P3H2: variants seen among roughly 807,000 people sequenced by gnomAD.
The protein encoded by P3H2 is prolyl 3-hydroxylase 2.
A neutral mutation model predicts 87.0 loss-of-function variants in P3H2; 80 were observed. The observed-to-expected ratio is 0.92, with a 90% confidence interval of 0.77 to 1.11. The LOEUF (loss-of-function observed/expected upper bound fraction) is 1.11, where lower values mean the gene tolerates loss of function less well. Among genes scored for constraint, P3H2 ranks in the 50% least tolerant of loss-of-function variants. The probability of loss-of-function intolerance (pLI) is 0.00; values close to 1 mark genes in which losing one functional copy is unlikely to be tolerated. For synonymous variants in P3H2, 367 were observed against 359.3 expected (o/e 1.02, Z -0.24); for missense variants, 1,001 against 923.9 (o/e 1.08, Z -1.08).
At chr3:190,121,404 G>A (rs953079355), upstream of P3H2, 1 of 152,066 alleles carries the variant, frequency 6.6e-6, no homozygotes, top group African/African-American at 2.4e-5. Flanking sequence ...TGTAGGCCCA[G>A]ATGCGGAGGT....
At chr3:190,094,898 A>C (rs943166872) in intron 1 of P3H2, among the ~76,000 whole-genome samples, 2 of 152,182 alleles carry the variant, frequency 1.3e-5, no homozygotes, top group African/African-American at 4.8e-5. Context: ...ACAATTATTC[A>C]GATTTTTTGA....
At chr3:190,060,881 C>T (rs533598980) in intron 1 of P3H2, among the ~76,000 whole-genome samples, 14 of 152,062 alleles carry the variant, frequency 9.2e-5, no homozygotes, top group African/African-American at 3.1e-4. Flanking sequence ...ATTTTGATGA[C>T]CTTTATGGAA....
chr3:190,024,340 C>G (rs1001907331), intron 1 of P3H2, among the ~76,000 whole-genome samples: 3 of 151,662 alleles, frequency 2.0e-5, no homozygotes, highest in Non-Finnish European at 4.4e-5. Context: ...AGTTCGAGAC[C>G]AGCGTGTCCA....
intron 1 of P3H2, among the ~76,000 whole-genome samples, chr3:190,034,707 G>A (rs1420335279): frequency 6.6e-6 from 1 of 152,058 alleles, no homozygotes; most frequent in Non-Finnish European, 1.5e-5. Flanking sequence ...GTTTCTGTGT[G>A]GTGGTCAACA....
chr3:189,957,086 T>C lies in P3H2; in HGVS notation c.*826A>G. 1 of 398,662 alleles carries C rather than the reference T, an allele frequency of 2.5e-6. No individual in the cohort carries two copies. Among genetic ancestry groups the C allele is most frequent in the Non-Finnish European group, 4.4e-6 (1 of 226,128 alleles). The allele number at this position is 398,662 out of a possible 1,614,324, so 24.7% of individuals were successfully genotyped here. A position where few individuals can be genotyped will look rare whatever the true frequency, so the allele number is the denominator to read the frequency against. ...AAGCTTCCAGTGTAAGTTTATTGTC[T>C]GGCGAAAACACCAGAGCCAAAAATT... On this transcript the variant is annotated 3_prime_UTR_variant, in exon 15 of 15. Transcript: ENST00000319332.
At chr3:190,057,332 C>G (rs77421810) in intron 1 of P3H2, among the ~76,000 whole-genome samples, 1 of 152,202 alleles carries the variant, frequency 6.6e-6, no homozygotes, top group Non-Finnish European at 1.5e-5. Context: ...TGTATGGACA[C>G]GAAAGTCTGA....
intron 1 of P3H2, among the ~76,000 whole-genome samples, chr3:190,045,572 T>C (rs1448525752): frequency 3.9e-5 from 6 of 152,176 alleles, no homozygotes; most frequent in African/African-American, 1.4e-4. Context: ...AGCTGTGATG[T>C]GTCAACTTAA....
chr3:190,016,926 A>G (rs1162066736), intron 1 of P3H2, among the ~76,000 whole-genome samples: 1 of 152,150 alleles, frequency 6.6e-6, no homozygotes, highest in South Asian at 2.1e-4. Context: ...ATTTCCCTCA[A>G]TCTATTGGTC....
At chr3:190,007,985 T>TATATATAG (rs1724448616) in intron 1 of P3H2, among the ~76,000 whole-genome samples, 1 of 136,866 alleles carries the variant, frequency 7.3e-6, no homozygotes, top group African/African-American at 2.7e-5. Flanking sequence ...TATATATATA[T>TATATATAG]AGTAAACTTC....
chr3:190,109,839 C>G (rs1245016803), intron 1 of P3H2, among the ~76,000 whole-genome samples: 1 of 137,686 alleles, frequency 7.3e-6, no homozygotes, highest in Non-Finnish European at 1.5e-5. Flanking sequence ...AACCTTGATG[C>G]CCAGTCTTTT....
At chr3:190,098,814 T>C (rs1197598611) in intron 1 of P3H2, among the ~76,000 whole-genome samples, 1 of 152,204 alleles carries the variant, frequency 6.6e-6, no homozygotes, top group East Asian at 1.9e-4. Context: ...AGTTTAATTA[T>C]GATTTTCTTA....
At chr3:190,039,189 C>CAA (rs3062148) in intron 1 of P3H2, among the ~76,000 whole-genome samples, 84,454 of 146,978 alleles carry the variant, frequency 0.57, 26,118 homozygotes, top group Admixed American at 0.71. Flanking sequence ...AACTCCATCT[C>CAA]AAAAAAAAAA....
intron 1 of P3H2, among the ~76,000 whole-genome samples, chr3:190,035,009 C>T (rs907268197): frequency 2.0e-5 from 3 of 151,606 alleles, no homozygotes; most frequent in Admixed American, 6.6e-5. Context: ...CCACCACACC[C>T]GACTAATTTT....
chr3:189,980,116 T>C (rs1399325087), intron 8 of P3H2, among the ~76,000 whole-genome samples: 1 of 152,212 alleles, frequency 6.6e-6, no homozygotes, highest in East Asian at 1.9e-4. Flanking sequence ...CCCATCTTAA[T>C]GCTTAGGAGC....
intron 6 of P3H2, 40 bp from the exon 7 acceptor site, chr3:189,984,630 G>C: frequency 1.4e-6 from 2 of 1,420,084 alleles, no homozygotes; most frequent in Non-Finnish European, 2.0e-6. Flanking sequence ...CAGTAATTTT[G>C]TCACTAAAAC....
At chr3:189,975,985 C>T (rs1723336835) in intron 8 of P3H2, among the ~76,000 whole-genome samples, 1 of 152,224 alleles carries the variant, frequency 6.6e-6, no homozygotes. Context: ...TAGTTTCATA[C>T]AGTACCCAAA....
intron 4 of P3H2, chr3:189,987,899 C>A: frequency 1.8e-6 from 1 of 543,124 alleles, no homozygotes; most frequent in Non-Finnish European, 3.3e-6. Context: ...TTGTTTTGTG[C>A]AAATCGTCAA....
intron 7 of P3H2, among the ~76,000 whole-genome samples, chr3:189,984,010 G>A (rs1000874790): frequency 1.3e-5 from 2 of 151,778 alleles, no homozygotes; most frequent in Non-Finnish European, 2.9e-5. Flanking sequence ...ACACCAACAT[G>A]GCACATGTAT....
chr3:189,975,569 G>A (rs182202398), intron 8 of P3H2, among the ~76,000 whole-genome samples: 44 of 152,266 alleles, frequency 2.9e-4, no homozygotes, highest in African/African-American at 5.5e-4. Flanking sequence ...GGCCTGGTGC[G>A]TGCTTGTCCA....
Sources: gnomAD v4.1 joint callset for allele counts (sites outside exome capture counted in the v4.1 genomes callset) on GRCh38, gnomAD v4.1.1 for gene constraint, MANE v1.5 for transcripts, NCBI Gene and HGNC (gene_info 2026-07-23, HGNC 2026-07-21) for gene names.